Variants in TPST1 observed in about 807,000 individuals in gnomAD.
TPST1 encodes protein-tyrosine sulfotransferase 1.
In TPST1, 20 loss-of-function variants were observed where a neutral mutation model predicts 34.8. The ratio of observed to expected loss-of-function variants is 0.57; its 90% CI spans 0.40 to 0.84. TPST1 has a LOEUF of 0.84. Among genes scored for constraint, TPST1 ranks in the 40% least tolerant of loss-of-function variants. The pLI is 0.00. For missense variants in TPST1, 353 were observed against 455.5 expected, an observed-to-expected ratio of 0.78 and a Z score of 2.05; for synonymous variants, 152 against 159.4, an observed-to-expected ratio of 0.95 and a Z score of 0.35.
chr7:66,341,968 G>GA (rs1223002809), intron 3 of TPST1, among the ~76,000 whole-genome samples: 2 of 151,880 alleles, frequency 1.3e-5, no homozygotes, highest in Non-Finnish European at 2.9e-5. Context: ...AAAACAAAAA[G>GA]AAAAAACAAG....
chr7:66,339,244 A>G (rs1231460550), intron 3 of TPST1, among the ~76,000 whole-genome samples: 1 of 152,138 alleles, frequency 6.6e-6, no homozygotes, highest in Non-Finnish European at 1.5e-5. Context: ...AAAAATTGCA[A>G]AGCCTAGAAG....
intron 3 of TPST1, among the ~76,000 whole-genome samples, chr7:66,292,813 G>A (rs947043864): frequency 2.6e-5 from 4 of 150,964 alleles, no homozygotes; most frequent in Non-Finnish European, 4.4e-5. Context: ...GAAATCACCC[G>A]TCTTCTGCGT....
intron 3 of TPST1, among the ~76,000 whole-genome samples, chr7:66,328,892 A>C (rs1297218738): frequency 1.3e-3 from 38 of 29,430 alleles, no homozygotes; most frequent in African/African-American, 3.2e-3. Context: ...CTCTCTATAT[A>C]TATATATATA....
intron 1 of TPST1, among the ~76,000 whole-genome samples, chr7:66,214,269 T>C (rs1789339437): frequency 6.6e-6 from 1 of 151,994 alleles, no homozygotes; most frequent in African/African-American, 2.4e-5. Context: ...TAGAAATATC[T>C]ATTTTGAGCA....
At chr7:66,339,207 G>A (rs775356826) in intron 3 of TPST1, among the ~76,000 whole-genome samples, 1 of 152,046 alleles carries the variant, frequency 6.6e-6, no homozygotes, top group Non-Finnish European at 1.5e-5. Context: ...AAGATCATTA[G>A]AGACTACTAT....
upstream of TPST1, among the ~76,000 whole-genome samples, chr7:66,201,748 G>A (rs1789037814): frequency 6.6e-6 from 1 of 151,722 alleles, no homozygotes; most frequent in South Asian, 2.1e-4. Flanking sequence ...AGCTACTCAG[G>A]AGGCTGAGGT....
chr7:66,330,218 G>T (rs1441095996), intron 3 of TPST1, among the ~76,000 whole-genome samples: 1 of 152,182 alleles, frequency 6.6e-6, no homozygotes, highest in African/African-American at 2.4e-5. Flanking sequence ...TTTAGATGAG[G>T]AGATTACCGA....
At chr7:66,336,278 C>T (rs899151390) in intron 3 of TPST1, among the ~76,000 whole-genome samples, 1 of 151,084 alleles carries the variant, frequency 6.6e-6, no homozygotes, top group African/African-American at 2.4e-5. Context: ...CCACTGCACT[C>T]CAGCCTGGGA....
intron 2 of TPST1, among the ~76,000 whole-genome samples, chr7:66,277,442 G>A (rs751125638): frequency 6.6e-6 from 1 of 151,928 alleles, no homozygotes; most frequent in Admixed American, 6.6e-5. Flanking sequence ...GGTTACTGTT[G>A]GTTGTCTCCA....
At chr7:66,226,618 T>C (rs1789661496) in intron 1 of TPST1, among the ~76,000 whole-genome samples, 1 of 152,200 alleles carries the variant, frequency 6.6e-6, no homozygotes, top group African/African-American at 2.4e-5. Flanking sequence ...TATTCAGATA[T>C]CTTGAAGGGC....
intron 3 of TPST1, among the ~76,000 whole-genome samples, chr7:66,322,673 A>G (rs573967340): frequency 5.4e-4 from 82 of 152,320 alleles, no homozygotes; most frequent in Admixed American, 1.8e-3. Context: ...GCTATTGTGA[A>G]TAGTGCTGCA....
chr7:66,356,729 A>G (rs1365897152), intron 4 of TPST1, 96 bp from the exon 5 acceptor site: 2 of 1,418,876 alleles, frequency 1.4e-6, no homozygotes, highest in East Asian at 2.3e-5. Context: ...AAGTGAACAG[A>G]GCCTGCGGGC....
chr7:66,308,876 G>A (rs749850198), intron 3 of TPST1, among the ~76,000 whole-genome samples: 5 of 152,102 alleles, frequency 3.3e-5, no homozygotes, highest in Non-Finnish European at 5.9e-5. Context: ...ATACACCCCA[G>A]TATTCCTTAT....
Position 66,205,444 on chromosome 7 carries a change from C to G in TPST1, c.-180C>G, listed in dbSNP as rs973154362. 3 of 152,170 alleles carry G rather than the reference C, an allele frequency of 2.0e-5. No individual in the cohort carries two copies. The highest frequency in any genetic ancestry group is 7.2e-5 in the African/African-American group (3 of 41,400). The allele number at this position is 152,170 out of a possible 1,614,324, so 9.4% of individuals were successfully genotyped here. On this transcript the variant is annotated 5_prime_UTR_variant, in exon 1 of 6. Transcript: ENST00000304842. The surrounding 1 kb of genome is among the most constrained non-coding windows in gnomAD (Gnocchi z 5.0). ...CGGTGAGGGCGGGCTCCCGAGTGGC[C>G]CCCCACCGAAGGCGGTGGGACCAGC...
chr7:66,208,695 C>G (rs1789183370), intron 1 of TPST1, among the ~76,000 whole-genome samples: 1 of 152,034 alleles, frequency 6.6e-6, no homozygotes, highest in Admixed American at 6.6e-5. Context: ...TCTCAAACTC[C>G]TGACCTCAAG....
intron 5 of TPST1, chr7:66,359,607 G>T (rs1423319498): frequency 1.0e-5 from 3 of 293,180 alleles, no homozygotes; most frequent in East Asian, 1.7e-4. Context: ...ATGACAGTCA[G>T]TTATTTAGAA....
chr7:66,265,766 T>C (rs888697725), intron 2 of TPST1, among the ~76,000 whole-genome samples: 3 of 149,968 alleles, frequency 2.0e-5, no homozygotes, highest in African/African-American at 5.1e-5. Context: ...CAGCTCATCA[T>C]GTACAGGGTA....
At chr7:66,301,542 C>G (rs1791316744) in intron 3 of TPST1, among the ~76,000 whole-genome samples, 2 of 152,200 alleles carry the variant, frequency 1.3e-5, no homozygotes. Context: ...TAGCTTCTGA[C>G]TTAAAGTGAG....
intron 3 of TPST1, among the ~76,000 whole-genome samples, chr7:66,321,372 G>C (rs1457796543): frequency 1.3e-5 from 2 of 152,222 alleles, no homozygotes; most frequent in African/African-American, 4.8e-5. Context: ...TGACTTCAGG[G>C]TCAGGCTCCA....
Sources: allele counts gnomAD v4.1 joint callset (sites outside exome capture counted in the v4.1 genomes callset), GRCh38; gene constraint gnomAD v4.1.1; non-coding constraint Gnocchi (gnomAD v3.1); transcripts MANE v1.5; gene names NCBI Gene and HGNC (gene_info 2026-07-23, HGNC 2026-07-21).